The following TRIM33 variants were observed in gnomAD, a reference collection of about 807,000 sequenced individuals.
The protein encoded by TRIM33 is tripartite motif containing 33.
A neutral mutation model predicts 125.4 loss-of-function variants in TRIM33; 20 were observed. The ratio of observed to expected loss-of-function variants is 0.16; its 90% CI spans 0.11 to 0.23. The LOEUF (loss-of-function observed/expected upper bound fraction) is 0.23, where lower values mean the gene tolerates loss of function less well. Among genes scored for constraint, TRIM33 ranks in the 10% least tolerant of loss-of-function variants. TRIM33 has a pLI of 1.00. For missense variants in TRIM33, 920 were observed against 1,411.4 expected (o/e 0.65, Z 5.58); for synonymous variants, 564 against 513.9 (o/e 1.10, Z -1.32).
At chr1:114,410,842 A>C (rs1652537076) in intron 11 of TRIM33, among the ~76,000 whole-genome samples, 2 of 152,130 alleles carry the variant, frequency 1.3e-5, no homozygotes. Flanking sequence ...GCAGTACGAT[A>C]AAGCCAGAAG....
intron 6 of TRIM33, among the ~76,000 whole-genome samples, chr1:114,430,155 T>C (rs1241271192): frequency 6.6e-6 from 1 of 152,002 alleles, no homozygotes; most frequent in Non-Finnish European, 1.5e-5. Context: ...AAAATTAAAT[T>C]GAGGCCCCAT....
At chr1:114,453,571 C>T (rs1649461192) in intron 4 of TRIM33, among the ~76,000 whole-genome samples, 1 of 152,164 alleles carries the variant, frequency 6.6e-6, no homozygotes, top group Non-Finnish European at 1.5e-5. Context: ...CCTTCAGTCC[C>T]TGGCAGGTAA....
At chr1:114,490,084 CAAAAAAAAAAAAA>C (rs776451339) in intron 1 of TRIM33, among the ~76,000 whole-genome samples, 1 of 37,644 alleles carries the variant, frequency 2.7e-5, no homozygotes, top group Admixed American at 3.2e-4. Flanking sequence ...GACTCCGTCT[CAAAAAAAAAAAAA>C]AAAAAAAGAA....
chr1:114,472,640 G>A (rs1201431578), intron 1 of TRIM33, among the ~76,000 whole-genome samples: 1 of 152,174 alleles, frequency 6.6e-6, no homozygotes, highest in East Asian at 1.9e-4. Context: ...TGAGGTGGGA[G>A]GATCACCTGA....
intron 4 of TRIM33, among the ~76,000 whole-genome samples, chr1:114,457,828 A>G (rs1341283631): frequency 6.6e-6 from 1 of 152,220 alleles, no homozygotes; most frequent in African/African-American, 2.4e-5. Context: ...CTCAGCGGGC[A>G]TGTGATTTTC....
At chr1:114,413,078 T>C (rs537078994) in intron 11 of TRIM33, among the ~76,000 whole-genome samples, 2 of 152,352 alleles carry the variant, frequency 1.3e-5, no homozygotes, top group East Asian at 3.9e-4. Flanking sequence ...CATCTCACTG[T>C]GGTTTTAACT....
chr1:114,428,616 T>C (rs1416169401), intron 6 of TRIM33, among the ~76,000 whole-genome samples: 2 of 152,234 alleles, frequency 1.3e-5, no homozygotes, highest in Non-Finnish European at 2.9e-5. Context: ...CAAGTTGGTT[T>C]TTCTGGACAA....
chr1:114,461,280 A>G (rs1188510884), intron 4 of TRIM33, among the ~76,000 whole-genome samples: 1 of 141,070 alleles, frequency 7.1e-6, no homozygotes, highest in African/African-American at 2.6e-5. Context: ...TATATTTATT[A>G]TTATTATATA....
At chr1:114,493,818 C>T (rs750371800) in intron 1 of TRIM33, among the ~76,000 whole-genome samples, 2 of 152,120 alleles carry the variant, frequency 1.3e-5, no homozygotes, top group African/African-American at 2.4e-5. Context: ...GGACCACAGA[C>T]GTGAACCACA....
At chr1:114,401,043 C>CTT (rs1294014055) in intron 17 of TRIM33, among the ~76,000 whole-genome samples, 2 of 117,648 alleles carry the variant, frequency 1.7e-5, no homozygotes, top group Non-Finnish European at 3.7e-5. Flanking sequence ...TTTTTTTTTT[C>CTT]TTTTTTTTTT....
intron 4 of TRIM33, among the ~76,000 whole-genome samples, chr1:114,460,573 CTTTTTTTTT>C (rs35612978): frequency 0.02 from 1,322 of 64,558 alleles, 26 homozygotes; most frequent in African/African-American, 0.079. Flanking sequence ...CCCCCGCCAC[CTTTTTTTTT>C]TTTTTTTTTT....
intron 4 of TRIM33, among the ~76,000 whole-genome samples, chr1:114,449,378 C>A (rs755962404): frequency 6.6e-6 from 1 of 152,124 alleles, no homozygotes; most frequent in Non-Finnish European, 1.5e-5. Flanking sequence ...GAATCAGGCA[C>A]ATGTAGAGCC....
In TRIM33 at chr1:114,431,774, T is replaced by C. The variant is rs547010416; in HGVS notation, c.1041-862A>G. 5.9e-5 allele frequency among the ~76,000 whole-genome samples: 9 copies of C among 152,350 alleles called. No homozygotes were observed. The South Asian group carries it at 1.9e-3, about 32-fold the overall frequency. On this transcript the variant is annotated intron_variant, in intron 5 of 19. Coordinates refer to ENST00000358465, the MANE Select transcript of TRIM33 (RefSeq NM_015906.4). ...ATAATGTAGTTTTTTTCCTTCTCTG[T>C]ACATCGTTTGGCACTTACTTGAAAA...
chr1:114,450,031 C>T (rs1649218677), intron 4 of TRIM33, among the ~76,000 whole-genome samples: 1 of 152,208 alleles, frequency 6.6e-6, no homozygotes, highest in Admixed American at 6.5e-5. Context: ...GGCAAAGCTT[C>T]TCAATACTTG....
intron 15 of TRIM33, chr1:114,404,833 T>C (rs1460910140): frequency 6.6e-6 from 1 of 151,300 alleles, no homozygotes; most frequent in Non-Finnish European, 1.5e-5. Context: ...TTTTTCAATT[T>C]ATAGCAAGAA....
chr1:114,482,451 G>T (rs1374813496), intron 1 of TRIM33, among the ~76,000 whole-genome samples: 1 of 152,190 alleles, frequency 6.6e-6, no homozygotes, highest in Non-Finnish European at 1.5e-5. Context: ...CAATTACCTA[G>T]ATGGGAAAAT....
intron 1 of TRIM33, among the ~76,000 whole-genome samples, chr1:114,499,295 G>C (rs901550586): frequency 1.3e-5 from 2 of 152,060 alleles, no homozygotes; most frequent in Non-Finnish European, 2.9e-5. Flanking sequence ...GGAGCCTAGG[G>C]CCTGTGTAAA....
chr1:114,429,193 T>C (rs1647782011), intron 6 of TRIM33, among the ~76,000 whole-genome samples: 1 of 150,560 alleles, frequency 6.6e-6, no homozygotes, highest in African/African-American at 2.4e-5. Flanking sequence ...AAGAGTACTT[T>C]TTTTTTTTTT....
intron 4 of TRIM33, chr1:114,459,934 A>T (rs1649859901): frequency 6.5e-6 from 1 of 154,142 alleles, no homozygotes; most frequent in African/African-American, 2.4e-5. Flanking sequence ...AGTGGCCAAA[A>T]TAAAGTTTAA....
Sources: allele counts gnomAD v4.1 joint callset (sites outside exome capture counted in the v4.1 genomes callset), GRCh38; gene constraint gnomAD v4.1.1; transcripts MANE v1.5; gene names NCBI Gene and HGNC (gene_info 2026-07-23, HGNC 2026-07-21).